The following AGPAT4 variants were observed in gnomAD, a reference collection of about 807,000 sequenced individuals.
AGPAT4 encodes the protein 1-acylglycerol-3-phosphate O-acyltransferase 4.
In AGPAT4, 15 loss-of-function variants were observed where a neutral mutation model predicts 48.0. That is an observed-to-expected ratio of 0.31 (90% CI 0.21 to 0.48). The LOEUF is 0.48. Ranked by LOEUF, AGPAT4 falls within the 20% of genes least tolerant of loss-of-function variation. The pLI is 0.99. For missense variants in AGPAT4, 314 were observed against 482.5 expected (o/e 0.65, Z 3.27); for synonymous variants, 178 against 198.7 (o/e 0.90, Z 0.88).
At chr6:161,181,820 C>G (rs1044755978) in intron 2 of AGPAT4, among the ~76,000 whole-genome samples, 2 of 152,092 alleles carry the variant, frequency 1.3e-5, no homozygotes, top group Non-Finnish European at 2.9e-5. Flanking sequence ...AGGCCAAGCT[C>G]TTGAAAGCCA....
intron 2 of AGPAT4, among the ~76,000 whole-genome samples, chr6:161,205,835 G>T (rs1248164515): frequency 6.6e-6 from 1 of 151,846 alleles, no homozygotes; most frequent in Non-Finnish European, 1.5e-5. Context: ...TTTTAAAACA[G>T]GAAATTAAAA....
In AGPAT4 at chr6:161,238,954, C is replaced by A. The variant is rs555387053; in HGVS notation, c.-89-6652G>T. Among the ~76,000 whole-genome samples the A allele has an allele frequency of 3.3e-5, 5 of 152,324 alleles. No homozygotes were observed. The East Asian group carries it at 7.7e-4, about 23-fold the overall frequency. ...CCTGCAGAACTGTGAGTCAATTAAA[C>A]CTCTTTCCTTTATAAATTACCCAGT... is the stretch of plus-strand genomic sequence containing the variant. On this transcript the variant is annotated intron_variant, in intron 1 of 8. Transcript: ENST00000320285. This position sits in a 1 kb window ranked among gnomAD's most constrained non-coding sequence, Gnocchi z 5.2.
rs963008448 is a variant in AGPAT4, at chr6:161,177,462, G to A, written c.179-11045C>T. On this transcript the variant is annotated intron_variant, in intron 2 of 8. Coordinates refer to ENST00000320285, the MANE Select transcript of AGPAT4 (RefSeq NM_020133.3). The surrounding 1 kb of genome is among the most constrained non-coding windows in gnomAD (Gnocchi z 5.0). ...CCACTGAAACTTGTGCATGTGTCAC[G>A]TAGTTCTCAAGCCATGGTTTTCAGC... 2.6e-5 allele frequency among the ~76,000 whole-genome samples: 4 copies of A among 152,098 alleles called. No homozygotes were observed. The highest frequency in any genetic ancestry group is 5.9e-5 in the Non-Finnish European group (4 of 68,020).
chr6:161,247,479 T>A (rs1209562485), intron 1 of AGPAT4, among the ~76,000 whole-genome samples: 3 of 152,244 alleles, frequency 2.0e-5, no homozygotes, highest in Non-Finnish European at 4.4e-5. Flanking sequence ...AGGCTTTTTT[T>A]ATTTTTAAAT....
In AGPAT4 at chr6:161,165,581, G is replaced by A. The variant is rs1427795525; in HGVS notation, c.348+667C>T. The A allele has an allele frequency of 7.7e-7, 1 of 1,296,754 alleles. No individual in the cohort carries two copies. The highest frequency in any genetic ancestry group is 1.0e-6 in the Non-Finnish European group (1 of 986,758). The allele number at this position is 1,296,754 out of a possible 1,614,324, so 80.3% of individuals were successfully genotyped here. A position where few individuals can be genotyped will look rare whatever the true frequency, so the allele number is the denominator to read the frequency against. ...ACTGTGATTCCTACGGAATACCTGA[G>A]TACCGCAGATGACTCTGATTCAGCT... On this transcript the variant is annotated intron_variant, in intron 3 of 8. Transcript: ENST00000320285. This position sits in a 1 kb window ranked among gnomAD's most constrained non-coding sequence, Gnocchi z 5.5.
rs1310364595 is a variant in AGPAT4, at chr6:161,221,086, G to A, written c.178+10950C>T. 6.6e-6 allele frequency among the ~76,000 whole-genome samples: 1 copy of A among 152,042 alleles called. No homozygotes were observed. Among genetic ancestry groups the A allele is most frequent in the Non-Finnish European group, 1.5e-5 (1 of 67,992 alleles). On this transcript the variant is annotated intron_variant, in intron 2 of 8. Transcript: ENST00000320285. This position sits in a 1 kb window ranked among gnomAD's most constrained non-coding sequence, Gnocchi z 4.5. ...GCATGAGCCACCGCACCCGGCCCCA[G>A]ACAGCATATTTAAACAGATGACACA...
At chr6:161,183,032 A>G (rs1371288175) in intron 2 of AGPAT4, among the ~76,000 whole-genome samples, 1 of 152,090 alleles carries the variant, frequency 6.6e-6, no homozygotes, top group Admixed American at 6.5e-5. Context: ...TCAATGGGAG[A>G]AGAGGATGAG....
In AGPAT4 at chr6:161,261,883, G is replaced by A. The variant is rs1213652019; in HGVS notation, c.-90+12055C>T. Among the ~76,000 whole-genome samples, 2 of 152,164 alleles carry A rather than the reference G, an allele frequency of 1.3e-5. No homozygotes were observed. The highest frequency in any genetic ancestry group is 4.8e-5 in the African/African-American group (2 of 41,418). ...AACAGGCATTGACCTTCACACCTGG[G>A]TAGGGGCTCCTGGGCCAGAGACCCA... On this transcript the variant is annotated intron_variant, in intron 1 of 8. Coordinates refer to ENST00000320285, the MANE Select transcript of AGPAT4 (RefSeq NM_020133.3). The surrounding 1 kb of genome is among the most constrained non-coding windows in gnomAD (Gnocchi z 5.3).
rs1042899341 is a variant in AGPAT4, at chr6:161,222,584, T to C, written c.178+9452A>G. Among the ~76,000 whole-genome samples, 1 of 152,218 alleles carries C rather than the reference T, an allele frequency of 6.6e-6. No homozygotes were observed. Among genetic ancestry groups the C allele is most frequent in the Non-Finnish European group, 1.5e-5 (1 of 68,040 alleles). Reference sequence around the variant, plus strand: ...AGATTACGCATGAACAGATTTTTTTTTTTTTCAAATTCCAATTAACAGTTT... The same window carrying C: ...AGATTACGCATGAACAGATTTTTTTCTTTTTCAAATTCCAATTAACAGTTT... On this transcript the variant is annotated intron_variant, in intron 2 of 8. Coordinates refer to ENST00000320285, the MANE Select transcript of AGPAT4 (RefSeq NM_020133.3). This position sits in a 1 kb window ranked among gnomAD's most constrained non-coding sequence, Gnocchi z 5.9.
chr6:161,230,630 C>A (rs1240108636), intron 2 of AGPAT4, among the ~76,000 whole-genome samples: 1 of 152,076 alleles, frequency 6.6e-6, no homozygotes, highest in Non-Finnish European at 1.5e-5. Flanking sequence ...TTTTTCTATA[C>A]CACCGTAGAA....
Position 161,169,948 on chromosome 6 carries a change from G to A in AGPAT4, c.179-3531C>T, listed in dbSNP as rs1238426330. On this transcript the variant is annotated intron_variant, in intron 2 of 8. Coordinates refer to ENST00000320285, the MANE Select transcript of AGPAT4 (RefSeq NM_020133.3). This position sits in a 1 kb window ranked among gnomAD's most constrained non-coding sequence, Gnocchi z 5.0. ...ATTCACGTCTTCAGCACAAAGCAGC[G>A]GCTAGGCCTGCTACTGCTCCTCCTT... Among the ~76,000 whole-genome samples, 2 of 152,236 alleles carry A rather than the reference G, an allele frequency of 1.3e-5. No individual in the cohort carries two copies. The highest frequency in any genetic ancestry group is 1.5e-5 in the Non-Finnish European group (1 of 68,010).
Position 161,231,915 on chromosome 6 carries a change from AAAAC to A in AGPAT4, c.178+117_178+120del. On this transcript the variant is annotated intron_variant, in intron 2 of 8. Coordinates refer to ENST00000320285, the MANE Select transcript of AGPAT4 (RefSeq NM_020133.3). The surrounding 1 kb of genome is among the most constrained non-coding windows in gnomAD (Gnocchi z 5.3). Reference sequence around the variant, plus strand: ...AAATAGCCATTTCAAACCTAAAACAAAAACAAAACAAAAAAACAGCTCGGCACAC... The same window carrying A: ...AAATAGCCATTTCAAACCTAAAACAAAAAACAAAAAAACAGCTCGGCACAC... The A allele has an allele frequency of 9.6e-7, 1 of 1,043,542 alleles. No homozygotes were observed. Among genetic ancestry groups the A allele is most frequent in the South Asian group, 2.2e-5 (1 of 44,634 alleles). The allele number at this position is 1,043,542 out of a possible 1,614,324, so 64.6% of individuals were successfully genotyped here.
At position 161,141,454 on chromosome 6, in the gene AGPAT4, G is replaced by A. The variant is rs1779246407; in HGVS notation, c.844-1834C>T. On this transcript the variant is annotated intron_variant, in intron 7 of 8. Coordinates refer to ENST00000320285, the MANE Select transcript of AGPAT4 (RefSeq NM_020133.3). The surrounding 1 kb of genome is among the most constrained non-coding windows in gnomAD (Gnocchi z 6.7). ...AGCACAGGCAATGCCCAGAGAGGTGGCACCCAACTCTGCCAGGGAAGCAGC... is the reference window on the plus strand; with the variant it reads ...AGCACAGGCAATGCCCAGAGAGGTGACACCCAACTCTGCCAGGGAAGCAGC... 6.6e-6 allele frequency among the ~76,000 whole-genome samples: 1 copy of A among 152,166 alleles called. No homozygotes were observed.
rs998567854 is a variant in AGPAT4, at chr6:161,136,296, C to G, written c.*244G>C. On this transcript the variant is annotated 3_prime_UTR_variant, in exon 9 of 9. Transcript: ENST00000320285. ...ACAAAGTTCACACTCACCACACAGC[C>G]ATTCTCACACACACTCGCACAAAAA... 1.9e-6 allele frequency: 1 copy of G among 529,836 alleles called. No homozygotes were observed. Among genetic ancestry groups the G allele is most frequent in the African/African-American group, 1.9e-5 (1 of 52,246 alleles). 32.8% of individuals were successfully genotyped at this position (529,836 alleles called of 1,614,324 possible).
rs1195300662 is a variant in AGPAT4 at position 161,169,396 on chromosome 6, AG to A, written c.179-2980del. Among the ~76,000 whole-genome samples the A allele has an allele frequency of 6.6e-6, 1 of 152,228 alleles. No individual in the cohort carries two copies. Among genetic ancestry groups the A allele is most frequent in the Non-Finnish European group, 1.5e-5 (1 of 68,040 alleles). ...GAAGACCAAATTTCCCACTCACCTC[AG>A]CAGGCTGCTCACTAGACAACTAAAC... is the stretch of plus-strand genomic sequence containing the variant. On this transcript the variant is annotated intron_variant, in intron 2 of 8. Coordinates refer to ENST00000320285, the MANE Select transcript of AGPAT4 (RefSeq NM_020133.3). This position sits in a 1 kb window ranked among gnomAD's most constrained non-coding sequence, Gnocchi z 5.0.
In AGPAT4 at chr6:161,206,707, T is replaced by G. The variant is rs1446797715; in HGVS notation, c.178+25329A>C. ...AAAGACAATTGACACATGCCAACCC[T>G]GGGATGACACAGACATGGAAGATAT... is the stretch of plus-strand genomic sequence containing the variant. On this transcript the variant is annotated intron_variant, in intron 2 of 8. Coordinates refer to ENST00000320285, the MANE Select transcript of AGPAT4 (RefSeq NM_020133.3). This position sits in a 1 kb window ranked among gnomAD's most constrained non-coding sequence, Gnocchi z 4.8. 6.6e-6 allele frequency among the ~76,000 whole-genome samples: 1 copy of G among 152,036 alleles called. No homozygotes were observed. Among genetic ancestry groups the G allele is most frequent in the African/African-American group, 2.4e-5 (1 of 41,368 alleles).
rs1779035110 is a variant in AGPAT4 at position 161,135,465 on chromosome 6, TG to T, written c.*1074del. 1 of 152,246 alleles carries T rather than the reference TG, an allele frequency of 6.6e-6. No individual in the cohort carries two copies. The highest frequency in any genetic ancestry group is 2.1e-4 in the South Asian group (1 of 4,830). The allele number at this position is 152,246 out of a possible 1,614,324, so 9.4% of individuals were successfully genotyped here. ...GGCAGAACTATTCCGTGGAGTAAAA[TG>T]GGAGCAGACAGGAGCCCGGAAGGAA... On this transcript the variant is annotated 3_prime_UTR_variant, in exon 9 of 9. Coordinates refer to ENST00000320285, the MANE Select transcript of AGPAT4 (RefSeq NM_020133.3).
intron 2 of AGPAT4, among the ~76,000 whole-genome samples, chr6:161,203,904 C>T (rs952028723): frequency 2.0e-5 from 3 of 152,126 alleles, no homozygotes; most frequent in Non-Finnish European, 2.9e-5. Flanking sequence ...TCATTTGACC[C>T]TCTAAATTCA....
chr6:161,160,967 C>G, intron 3 of AGPAT4: 1 of 456,592 alleles, frequency 2.2e-6, no homozygotes, highest in Non-Finnish European at 4.4e-6. Flanking sequence ...GCTTGCTAAA[C>G]AGTTGCAGGA....
Sources: gnomAD v4.1 joint callset for allele counts (sites outside exome capture counted in the v4.1 genomes callset) on GRCh38, gnomAD v4.1.1 for gene constraint, Gnocchi (gnomAD v3.1) non-coding constraint, MANE v1.5 for transcripts, NCBI Gene and HGNC (gene_info 2026-07-23, HGNC 2026-07-21) for gene names.